The following TMEM266 variants were observed in gnomAD, a reference collection of about 807,000 sequenced individuals.
TMEM266 encodes Hv1 related protein 1.
Under a neutral mutation model 50.5 loss-of-function variants are expected in TMEM266, and 33 were observed. That is an observed-to-expected ratio of 0.65 (90% CI 0.50 to 0.87). The LOEUF is 0.87. Among genes scored for constraint, TMEM266 ranks in the 40% least tolerant of loss-of-function variants. The pLI, the probability that TMEM266 is intolerant of heterozygous loss-of-function variation, is 0.00. For missense variants in TMEM266, 655 were observed against 695.1 expected, an observed-to-expected ratio of 0.94 and a Z score of 0.65; for synonymous variants, 310 against 292.3, an observed-to-expected ratio of 1.06 and a Z score of -0.62.
intron 3 of TMEM266, among the ~76,000 whole-genome samples, chr15:76,141,231 G>T (rs190365318): frequency 7.3e-6 from 1 of 137,108 alleles, no homozygotes; most frequent in East Asian, 2.2e-4. Context: ...TAACTTCTCA[G>T]TATACTTTTT....
chr15:76,170,009 T>G, intron 6 of TMEM266, 137 bp downstream of exon 6: 3 of 808,680 alleles, frequency 3.7e-6, no homozygotes, highest in Non-Finnish European at 2.1e-6. Context: ...TGGCTGTGCA[T>G]GTTGGGTGGG....
chr15:76,159,356 C>G (rs79392556), intron 4 of TMEM266, among the ~76,000 whole-genome samples: 1,779 of 152,274 alleles, frequency 0.012, 16 homozygotes, highest in Middle Eastern at 0.048. Flanking sequence ...AAAGAAAATG[C>G]CTTAACTCTA....
chr15:76,087,351 G>T (rs1459313626), intron 1 of TMEM266, among the ~76,000 whole-genome samples: 1 of 152,166 alleles, frequency 6.6e-6, no homozygotes, highest in Non-Finnish European at 1.5e-5. Context: ...AATTGATAAG[G>T]CTTAAGTGAT....
intron 9 of TMEM266, among the ~76,000 whole-genome samples, chr15:76,197,506 C>T (rs2038672900): frequency 6.6e-6 from 1 of 152,226 alleles, no homozygotes; most frequent in Admixed American, 6.5e-5. Flanking sequence ...AATTATGTAG[C>T]TGGTCCTGTC....
At chr15:76,126,428 G>A (rs1340193302) in intron 1 of TMEM266, among the ~76,000 whole-genome samples, 3 of 148,776 alleles carry the variant, frequency 2.0e-5, no homozygotes, top group African/African-American at 7.5e-5. Flanking sequence ...CCTTTAAAAA[G>A]AGCTCAATAA....
At chr15:76,202,172 A>C in intron 9 of TMEM266, 30 bp from the exon 10 acceptor site, 2 of 1,587,756 alleles carry the variant, frequency 1.3e-6, no homozygotes, top group Non-Finnish European at 1.7e-6. Flanking sequence ...AACTTGATGC[A>C]CTCACCCTTC....
chr15:76,124,200 C>A (rs755047649), intron 1 of TMEM266, among the ~76,000 whole-genome samples: 1 of 152,132 alleles, frequency 6.6e-6, no homozygotes, highest in African/African-American at 2.4e-5. Context: ...AAAGAGAAAG[C>A]CTTTGATTCT....
In TMEM266 at chr15:76,134,226, T is replaced by G. The variant is rs2037556786; in HGVS notation, c.-38T>G. ...CGCTTGGAAATGCTGACAGCAGGCT[T>G]CAGGACAGCTGAGCCCCACTAAACA... is the stretch of plus-strand genomic sequence containing the variant. On this transcript the variant is annotated 5_prime_UTR_variant, in exon 2 of 11. Transcript: ENST00000388942. The G allele has an allele frequency of 6.2e-7, 1 of 1,611,660 alleles. No individual in the cohort carries two copies. Among genetic ancestry groups the G allele is most frequent in the Non-Finnish European group, 8.5e-7 (1 of 1,177,938 alleles).
At chr15:76,169,117 C>T (rs993504963) in intron 5 of TMEM266, among the ~76,000 whole-genome samples, 2 of 152,188 alleles carry the variant, frequency 1.3e-5, no homozygotes, top group Admixed American at 1.3e-4. Context: ...CTTATGCACC[C>T]AATTCTGGGC....
chr15:76,167,259 G>A (rs570564412), intron 5 of TMEM266, among the ~76,000 whole-genome samples: 40 of 151,924 alleles, frequency 2.6e-4, no homozygotes, highest in Middle Eastern at 3.4e-3. Context: ...TCATGAGGTC[G>A]GTAGATCGAG....
At chr15:76,098,865 G>A (rs2036958288) in intron 1 of TMEM266, among the ~76,000 whole-genome samples, 1 of 152,170 alleles carries the variant, frequency 6.6e-6, no homozygotes, top group Non-Finnish European at 1.5e-5. Flanking sequence ...CAGCAGCTTT[G>A]TTTACACTGT....
In TMEM266 at chr15:76,146,938, C is replaced by T. The variant is rs145779129; in HGVS notation, c.227+9043C>T. 1.4e-3 allele frequency among the ~76,000 whole-genome samples: 217 copies of T among 152,316 alleles called. 2 individuals are homozygous for T. Among genetic ancestry groups the T allele is most frequent in the East Asian group, 0.01 (54 of 5,186 alleles). On this transcript the variant is annotated intron_variant, in intron 3 of 10. Transcript: ENST00000388942. ...CAGTACCGGGCCAGGGGCTTCCTCA[C>T]GGCAGGGATCAGATCACTTGAGCCT...
At chr15:76,062,826 A>G (rs1164273081) in intron 1 of TMEM266, among the ~76,000 whole-genome samples, 1 of 152,176 alleles carries the variant, frequency 6.6e-6, no homozygotes, top group Non-Finnish European at 1.5e-5. Flanking sequence ...GGAAAGTCAT[A>G]TGGGAAACTA....
intron 1 of TMEM266, among the ~76,000 whole-genome samples, chr15:76,106,711 G>A (rs1360254188): frequency 6.6e-6 from 1 of 152,182 alleles, no homozygotes; most frequent in Non-Finnish European, 1.5e-5. Context: ...TTCCCAAAGT[G>A]CTGGGATTAC....
At chr15:76,175,276 G>A (rs2038255623) in intron 7 of TMEM266, 1 of 305,706 alleles carries the variant, frequency 3.3e-6, no homozygotes, top group Non-Finnish European at 6.2e-6. Context: ...CTGCAAAGGA[G>A]GCTGGAAAAT....
At position 76,193,192 on chromosome 15, in the gene TMEM266, GT is replaced by G. The variant is rs568137529; in HGVS notation, c.958+1036del. ...TGGGTGTGAGAAAGCTCTGAGGGCTGTAAGGCACTGCAACACTGCAAACAGC... is the reference window on the plus strand; with the variant it reads ...TGGGTGTGAGAAAGCTCTGAGGGCTGAAGGCACTGCAACACTGCAAACAGC... On this transcript the variant is annotated intron_variant, in intron 9 of 10. Coordinates refer to ENST00000388942, the MANE Select transcript of TMEM266 (RefSeq NM_152335.3). Among the ~76,000 whole-genome samples the G allele has an allele frequency of 2.4e-3, 371 of 152,300 alleles. 1 individual carries two copies. The highest frequency in any genetic ancestry group is 8.4e-3 in the African/African-American group (351 of 41,562).
intron 1 of TMEM266, among the ~76,000 whole-genome samples, chr15:76,086,670 G>T (rs1050618842): frequency 6.6e-6 from 1 of 152,182 alleles, no homozygotes; most frequent in Non-Finnish European, 1.5e-5. Flanking sequence ...CTATGTAAAT[G>T]AAGTAGTGGC....
At position 76,197,224 on chromosome 15, in the gene TMEM266, C is replaced by T. The variant is rs72736855; in HGVS notation, c.959-4978C>T. On this transcript the variant is annotated intron_variant, in intron 9 of 10. Transcript: ENST00000388942. ...TGGCCTCTAAATGTGTGGGCCTGAC[C>T]GGGACACTGGGGACCCCAGGAACCC... 9.5e-3 allele frequency among the ~76,000 whole-genome samples: 1,445 copies of T among 152,294 alleles called. 15 individuals carry two copies. The highest frequency in any genetic ancestry group is 0.013 in the Non-Finnish European group (878 of 68,012).
intron 1 of TMEM266, among the ~76,000 whole-genome samples, chr15:76,133,334 G>A (rs941119695): frequency 6.6e-6 from 1 of 152,120 alleles, no homozygotes; most frequent in Non-Finnish European, 1.5e-5. Context: ...TACTTTGGGA[G>A]GCTGAGGCAG....
Sources: gnomAD v4.1 joint callset for allele counts (sites outside exome capture counted in the v4.1 genomes callset) on GRCh38, gnomAD v4.1.1 for gene constraint, MANE v1.5 for transcripts, NCBI Gene and HGNC (gene_info 2026-07-23, HGNC 2026-07-21) for gene names.